Variants in INSYN2A observed in about 807,000 individuals in gnomAD.
INSYN2A encodes the protein inhibitory synaptic factor 2A.
Under a neutral mutation model 39.4 loss-of-function variants are expected in INSYN2A, and 17 were observed. The observed-to-expected ratio is 0.43, with a 90% CI of 0.30 to 0.65. The LOEUF is 0.65. Among genes scored for constraint, INSYN2A ranks in the 30% least tolerant of loss-of-function variants. INSYN2A has a pLI of 0.14. For synonymous variants in INSYN2A, 255 were observed against 265.7 expected (o/e 0.96, Z 0.39); for missense variants, 595 against 631.2 (o/e 0.94, Z 0.61).
At position 127,175,941 on chromosome 10, in the gene INSYN2A, T is replaced by G; in HGVS notation, c.455A>C (p.Glu152Ala). Residue 152 changes from glutamate to alanine, a missense_variant, in exon 4 of 6, where the codon GAG becomes GCG. Glu to Ala is a moderately radical substitution (Grantham distance 107, BLOSUM62 -1). Around this residue, in one of 2 missense-constraint regions of INSYN2A, gnomAD observed 478 missense variants for 467.4 expected, o/e 1.02. Coordinates refer to ENST00000522781, the MANE Select transcript of INSYN2A (RefSeq NM_001039762.3). This position sits in a 1 kb window ranked among gnomAD's most constrained non-coding sequence, Gnocchi z 6.3. ...GFLTDAKEKN[E>A]AGPMEEARPC... is the part of the protein sequence containing the mutation. Reference sequence around the variant, plus strand: ...CCGGGCCTCCTCCATGGGTCCAGCCTCGTTCTTCTCTTTCGCATCTGTTAG... The same window carrying G: ...CCGGGCCTCCTCCATGGGTCCAGCCGCGTTCTTCTCTTTCGCATCTGTTAG... The G allele has an allele frequency of 6.2e-7, 1 of 1,614,226 alleles. No homozygotes were observed. The highest frequency in any genetic ancestry group is 8.5e-7 in the Non-Finnish European group (1 of 1,180,040).
intron 2 of INSYN2A, among the ~76,000 whole-genome samples, chr10:127,190,596 A>G (rs2056650743): frequency 6.7e-6 from 1 of 149,730 alleles, no homozygotes; most frequent in African/African-American, 2.4e-5. Flanking sequence ...GAGATAATGA[A>G]AAACTTATTT....
At chr10:127,190,530 C>T (rs1374519756) in intron 2 of INSYN2A, among the ~76,000 whole-genome samples, 3 of 101,578 alleles carry the variant, frequency 3.0e-5, no homozygotes, top group Non-Finnish European at 6.3e-5. Context: ...CTGTGAATCG[C>T]TTCATCCAAT....
rs773370941 is a variant in INSYN2A at position 127,175,756 on chromosome 10, G to T, written c.640C>A (p.Arg214=). Residue 214 remains arginine (R), a synonymous_variant, in exon 4 of 6, where the codon CGG becomes AGG. Coordinates refer to ENST00000522781, the MANE Select transcript of INSYN2A (RefSeq NM_001039762.3). This position sits in a 1 kb window ranked among gnomAD's most constrained non-coding sequence, Gnocchi z 6.3. ...TAATCGGGCTCTTCGGATGGAGGCC[G>T]AGTGGAGTTTTGGAGCGCAGCTTCT... ...YGEAALQNST[R]PPSEEPDYQL... 3.1e-6 allele frequency: 5 copies of T among 1,613,982 alleles called. No homozygotes were observed. In the Admixed American group the frequency reaches 5.0e-5, roughly 16 times the overall value.
At chr10:127,171,871 T>A (rs2054604979) in intron 4 of INSYN2A, among the ~76,000 whole-genome samples, 1 of 152,010 alleles carries the variant, frequency 6.6e-6, no homozygotes, top group Non-Finnish European at 1.5e-5. Context: ...GCCCGACTAA[T>A]GTTTGTATTT....
intron 4 of INSYN2A, among the ~76,000 whole-genome samples, chr10:127,155,299 C>T (rs973035370): frequency 2.0e-5 from 3 of 152,114 alleles, no homozygotes; most frequent in African/African-American, 7.2e-5. Flanking sequence ...TGCTACATGC[C>T]GTGATTGTCT....
In INSYN2A at chr10:127,157,975, A is replaced by C. The variant is rs373020692; in HGVS notation, c.1185-4052T>G. Among the ~76,000 whole-genome samples the C allele has an allele frequency of 3.9e-5, 6 of 152,310 alleles. No individual in the cohort carries two copies. In the South Asian group the frequency reaches 1.2e-3, roughly 32 times the overall value. On this transcript the variant is annotated intron_variant, in intron 4 of 5. Transcript: ENST00000522781. ...TTTTATTAAGCACGAGAGTGTTCTC[A>C]ATAGAGGGCTTAAAACTATGTAATC... is the stretch of plus-strand genomic sequence containing the variant.
At chr10:127,186,081 G>A (rs1443879943) in intron 2 of INSYN2A, among the ~76,000 whole-genome samples, 1 of 152,162 alleles carries the variant, frequency 6.6e-6, no homozygotes, top group Non-Finnish European at 1.5e-5. Context: ...AAACTCAGTT[G>A]TCTAATCTGC....
intron 2 of INSYN2A, among the ~76,000 whole-genome samples, chr10:127,183,071 C>CTTTTTTTTTTTTTTTTTTTTTTTTTTTTT (rs3066813): frequency 1.1e-5 from 1 of 88,634 alleles, no homozygotes; most frequent in Non-Finnish European, 2.1e-5. Context: ...TATGGTGAAT[C>CTTTTTTTTTTTTTTTTTTTTTTTTTTTTT]TTTTTTTTTT....
chr10:127,159,318 T>C (rs566611855), intron 4 of INSYN2A, among the ~76,000 whole-genome samples: 1 of 152,264 alleles, frequency 6.6e-6, no homozygotes, highest in East Asian at 1.9e-4. Context: ...GGGCTACCTC[T>C]CTGTAATGGC....
chr10:127,181,374 T>C (rs1452826456), intron 2 of INSYN2A, among the ~76,000 whole-genome samples: 1 of 152,190 alleles, frequency 6.6e-6, no homozygotes, highest in Non-Finnish European at 1.5e-5. Context: ...AAACTCTCCA[T>C]TGGATTCTGT....
At chr10:127,163,026 G>A (rs920850847) in intron 4 of INSYN2A, among the ~76,000 whole-genome samples, 2 of 152,164 alleles carry the variant, frequency 1.3e-5, no homozygotes, top group East Asian at 1.9e-4. Context: ...GTCCGGGCCC[G>A]GCTTCTCTCT....
At chr10:127,156,175 C>T (rs182206206) in intron 4 of INSYN2A, among the ~76,000 whole-genome samples, 8 of 152,338 alleles carry the variant, frequency 5.3e-5, no homozygotes, top group African/African-American at 1.7e-4. Flanking sequence ...AACATCAACA[C>T]TCCTTCCTTG....
chr10:127,141,678 A>AC (rs1407563592), intron 5 of INSYN2A, among the ~76,000 whole-genome samples: 9 of 147,134 alleles, frequency 6.1e-5, no homozygotes, highest in Non-Finnish European at 1.4e-4. Flanking sequence ...CTTTAAAACA[A>AC]AAAAAAAAAA....
rs141583559 is a variant in INSYN2A at position 127,151,367 on chromosome 10, C to A, written c.1256+2485G>T. On this transcript the variant is annotated intron_variant, in intron 5 of 5. Coordinates refer to ENST00000522781, the MANE Select transcript of INSYN2A (RefSeq NM_001039762.3). The stretch of plus-strand genomic sequence containing the variant: ...GCAGGAGTCCAGCCGAAATATTACT[C>A]TGCAGACTGTCCTGGGACCAAAAGC... Among the ~76,000 whole-genome samples the A allele has an allele frequency of 5.5e-3, 843 of 152,236 alleles. 3 individuals are homozygous for A. The highest frequency in any genetic ancestry group is 0.011 in the African/African-American group (441 of 41,536).
chr10:127,167,793 C>T (rs2054216117), intron 4 of INSYN2A, among the ~76,000 whole-genome samples: 1 of 152,028 alleles, frequency 6.6e-6, no homozygotes. Context: ...CTTCATGTCT[C>T]CATTTAGTGA....
chr10:127,193,366 G>C (rs1303802283), intron 1 of INSYN2A, among the ~76,000 whole-genome samples: 2 of 152,176 alleles, frequency 1.3e-5, no homozygotes, highest in Non-Finnish European at 1.5e-5. Flanking sequence ...TGCTATGGAC[G>C]CGTTGAACAG....
At chr10:127,178,501 A>G (rs1005638828) in intron 2 of INSYN2A, among the ~76,000 whole-genome samples, 3 of 152,214 alleles carry the variant, frequency 2.0e-5, no homozygotes, top group African/African-American at 4.8e-5. Flanking sequence ...AGCCATTACC[A>G]GATGAGCCTG....
rs563633397 is a variant in INSYN2A at position 127,156,785 on chromosome 10, C to T, written c.1185-2862G>A. 1.3e-4 allele frequency among the ~76,000 whole-genome samples: 20 copies of T among 152,152 alleles called. No homozygotes were observed. The South Asian group carries it at 3.9e-3, about 30-fold the overall frequency. On this transcript the variant is annotated intron_variant, in intron 4 of 5. Coordinates refer to ENST00000522781, the MANE Select transcript of INSYN2A (RefSeq NM_001039762.3). Reference sequence around the variant, plus strand: ...GTTTCTCTATGTTGGTCAGGCTGGTCTTGAACTCCCAACCTCAAGTGATCT... The same window carrying T: ...GTTTCTCTATGTTGGTCAGGCTGGTTTTGAACTCCCAACCTCAAGTGATCT...
intron 1 of INSYN2A, among the ~76,000 whole-genome samples, chr10:127,195,285 G>A (rs2057030821): frequency 6.6e-6 from 1 of 152,050 alleles, no homozygotes; most frequent in Non-Finnish European, 1.5e-5. Context: ...TCCTGCCCTC[G>A]CCCGCCAGCT....
Sources: gnomAD v4.1 joint callset for allele counts (sites outside exome capture counted in the v4.1 genomes callset) on GRCh38, gnomAD v4.1.1 for gene constraint, gnomAD v4.1.1 regional missense constraint, Gnocchi (gnomAD v3.1) non-coding constraint, MANE v1.5 for transcripts, NCBI Gene and HGNC (gene_info 2026-07-23, HGNC 2026-07-21) for gene names.